The following TNC variants were observed in gnomAD, a reference collection of about 807,000 sequenced individuals.
TNC encodes tenascin.
In TNC, 109 loss-of-function variants were observed where a neutral mutation model predicts 202.4. The observed-to-expected ratio is 0.54, with a 90% CI of 0.46 to 0.63. TNC has a LOEUF of 0.63. TNC is among the 30% of genes least tolerant of loss of function. The pLI, the probability that TNC is intolerant of heterozygous loss-of-function variation, is 0.00. For missense variants in TNC, 2,756 were observed against 2,833.3 expected, an observed-to-expected ratio of 0.97 and a Z score of 0.62; for synonymous variants, 1,007 against 1,089.7, an observed-to-expected ratio of 0.92 and a Z score of 1.50.
At chr9:115,044,428 C>T (rs1372008116) in intron 17 of TNC, among the ~76,000 whole-genome samples, 5 of 151,282 alleles carry the variant, frequency 3.3e-5, no homozygotes, top group East Asian at 1.9e-4. Context: ...AGCACGCACG[C>T]GCATGGGCAC....
intron 1 of TNC, among the ~76,000 whole-genome samples, chr9:115,113,731 G>C (rs1837248715): frequency 6.6e-6 from 1 of 152,094 alleles, no homozygotes; most frequent in Non-Finnish European, 1.5e-5. Context: ...GAGACGACGT[G>C]GCATGAAATA....
intron 2 of TNC, among the ~76,000 whole-genome samples, chr9:115,088,606 C>T (rs970745746): frequency 6.6e-6 from 1 of 152,104 alleles, no homozygotes; most frequent in Admixed American, 6.5e-5. Flanking sequence ...ATATTCTCTG[C>T]ACTAGAGTAT....
chr9:115,028,234 G>C (rs1564404787), intron 25 of TNC, among the ~76,000 whole-genome samples: 1 of 152,102 alleles, frequency 6.6e-6, no homozygotes, highest in African/African-American at 2.4e-5. Flanking sequence ...CACTGCAGGG[G>C]CTGTAAGTCC....
At chr9:115,053,008 C>T (rs1175246925) in intron 15 of TNC, 2 of 698,568 alleles carry the variant, frequency 2.9e-6, no homozygotes, top group Admixed American at 4.0e-5. Context: ...CCAACTGTGG[C>T]TTTGGTTCTA....
intron 3 of TNC, 137 bp from the exon 4 acceptor site, chr9:115,084,609 T>A: frequency 9.6e-7 from 1 of 1,046,382 alleles, no homozygotes. Flanking sequence ...GCAGATGGCA[T>A]CAGGGACCCC....
rs142514071 is a variant in TNC at position 115,096,638 on chromosome 9, A to G, written c.-136-5484T>C. Among the ~76,000 whole-genome samples, 1,022 of 152,324 alleles carry G rather than the reference A, an allele frequency of 6.7e-3. 18 individuals carry two copies. The highest frequency in any genetic ancestry group is 9.4e-3 in the Non-Finnish European group (636 of 68,020). The stretch of plus-strand genomic sequence containing the variant: ...ACAAGAGCCCGGGGATTAGGGAGAA[A>G]AAATGGCTTCTTTTTAGCAACTAAC... On this transcript the variant is annotated intron_variant, in intron 1 of 27. Transcript: ENST00000350763.
chr9:115,084,281 C>T lies in TNC; in HGVS notation c.2059G>A (p.Glu687Lys). ...TIIQELEPGV[E>K]YFIRVFAILE... is the part of the protein sequence containing the mutation. ...ATGGCAAATACACGGATAAAGTACT[C>T]CACACCAGGCTCCAGCTCCTGGATG... is the stretch of plus-strand genomic sequence containing the variant. Residue 687 changes from glutamate to lysine, a missense_variant, in exon 4 of 28, where the codon GAG (glutamate) becomes AAG (lysine). Physicochemically the swap from Glu to Lys is moderately conservative, Grantham distance 56 (BLOSUM62 1). Around this residue, in one of 2 missense-constraint regions of TNC, gnomAD observed 2,559 missense variants for 2,546.0 expected, o/e 1.01. Transcript: ENST00000350763. 3.1e-6 allele frequency: 5 copies of T among 1,614,138 alleles called. No homozygotes were observed. The highest frequency in any genetic ancestry group is 2.2e-5 in the East Asian group (1 of 44,854).
chr9:115,107,138 T>G (rs10982536), intron 1 of TNC, among the ~76,000 whole-genome samples: 23,126 of 152,060 alleles, frequency 0.15, 1,833 homozygotes, highest in African/African-American at 0.2. Flanking sequence ...CTTGTTAGGT[T>G]AAGGTGACTG....
chr9:115,101,009 G>A (rs1024165218), intron 1 of TNC, among the ~76,000 whole-genome samples: 2 of 152,100 alleles, frequency 1.3e-5, no homozygotes, highest in African/African-American at 4.8e-5. Context: ...GAGAGCATTT[G>A]TGTTAAAGTA....
At chr9:115,062,818 C>CA (rs1005858598) in intron 13 of TNC, 99 bp downstream of exon 13, 2 of 1,378,000 alleles carry the variant, frequency 1.5e-6, no homozygotes, top group African/African-American at 2.9e-5. Context: ...TGTCTGTCAA[C>CA]AACATTGGGG....
chr9:115,027,319 G>GTGGC (rs36100398), intron 25 of TNC, among the ~76,000 whole-genome samples: 2,605 of 152,128 alleles, frequency 0.017, 125 homozygotes, highest in East Asian at 0.11. Flanking sequence ...GCCAGGCACG[G>GTGGC]TGGCTCACGC....
chr9:115,086,296 G>A lies in TNC; in HGVS notation c.1435C>T (p.Arg479Cys), dbSNP rs1223837815. 6.8e-6 allele frequency: 11 copies of A among 1,614,052 alleles called. No individual in the cohort carries two copies. Among genetic ancestry groups the A allele is most frequent in the Admixed American group, 6.7e-5 (4 of 60,008 alleles). ...SCPNDCHQHGRCVNGMCVCDD... is the reference protein window; with the variant it reads ...SCPNDCHQHGCCVNGMCVCDD... ...CAAACACACATGCCATTCACACAGCGGCCGTGCTGGTGACAGTCATTAGGG... is the reference window on the plus strand; with the variant it reads ...CAAACACACATGCCATTCACACAGCAGCCGTGCTGGTGACAGTCATTAGGG... The change falls in exon 3 of 28, where the codon CGC becomes TGC. Residue 479 changes from arginine to cysteine, a missense_variant. Coordinates refer to ENST00000350763, the MANE Select transcript of TNC (RefSeq NM_002160.4).
At chr9:115,029,508 G>A (rs1175722283) in intron 24 of TNC, 52 bp from the exon 25 acceptor site, 1 of 1,557,084 alleles carries the variant, frequency 6.4e-7, no homozygotes, top group Non-Finnish European at 8.9e-7. Context: ...CAGGAAAGAG[G>A]GCATCGTTGT....
At chr9:115,062,021 C>T (rs1029786292) in intron 13 of TNC, among the ~76,000 whole-genome samples, 6 of 152,146 alleles carry the variant, frequency 3.9e-5, no homozygotes, top group African/African-American at 1.2e-4. Flanking sequence ...TAGAGATCTG[C>T]CTATCAGGTG....
At position 115,063,949 on chromosome 9, in the gene TNC, C is replaced by T. The variant is rs1832744334; in HGVS notation, c.3607G>A (p.Asp1203Asn). 1.2e-6 allele frequency: 2 copies of T among 1,614,028 alleles called. No individual in the cohort carries two copies. Among genetic ancestry groups the T allele is most frequent in the South Asian group, 1.1e-5 (1 of 91,074 alleles). Reference sequence around the variant, plus strand: ...AGGTTCTGGGCTGCCTCTACTGTGTCAGCCTCCTGCACCTGAATGAAAAAG... The same window carrying T: ...AGGTTCTGGGCTGCCTCTACTGTGTTAGCCTCCTGCACCTGAATGAAAAAG... ...EYFFIQVQEADTVEAAQNLTV... is the reference protein window; with the variant it reads ...EYFFIQVQEANTVEAAQNLTV... Residue 1203 changes from aspartate to asparagine, a missense_variant, in exon 12 of 28, where the codon GAC (aspartate) becomes AAC (asparagine). Around this residue, in one of 2 missense-constraint regions of TNC, gnomAD observed 2,559 missense variants for 2,546.0 expected, o/e 1.01. Transcript: ENST00000350763.
intron 20 of TNC, among the ~76,000 whole-genome samples, chr9:115,036,467 A>G (rs574676269): frequency 6.6e-6 from 1 of 152,148 alleles, no homozygotes; most frequent in Non-Finnish European, 1.5e-5. Flanking sequence ...CCAGGCCCCA[A>G]ATCAGAAGGA....
chr9:115,074,715 C>A (rs1249316497), intron 9 of TNC, among the ~76,000 whole-genome samples: 1 of 152,130 alleles, frequency 6.6e-6, no homozygotes, highest in Non-Finnish European at 1.5e-5. Context: ...ATGTGGGATT[C>A]TTGTAGTAAG....
intron 26 of TNC, among the ~76,000 whole-genome samples, chr9:115,024,939 G>A (rs1021275771): frequency 1.4e-4 from 22 of 152,160 alleles, no homozygotes; most frequent in African/African-American, 2.2e-4. Context: ...GCATTCTACC[G>A]TCATAATTTG....
chr9:115,082,486 T>C (rs1175497415), intron 5 of TNC, among the ~76,000 whole-genome samples: 1 of 152,194 alleles, frequency 6.6e-6, no homozygotes, highest in East Asian at 1.9e-4. Flanking sequence ...GTCTAGGGTG[T>C]CAGCCGTAAG....
Sources: gnomAD v4.1 joint callset for allele counts (sites outside exome capture counted in the v4.1 genomes callset) on GRCh38, gnomAD v4.1.1 for gene constraint, gnomAD v4.1.1 regional missense constraint, MANE v1.5 for transcripts, NCBI Gene and HGNC (gene_info 2026-07-23, HGNC 2026-07-21) for gene names.